The following AIM2 variants were observed in gnomAD, a reference collection of about 807,000 sequenced individuals.
The protein encoded by AIM2 is absent in melanoma 2.
AIM2 carries 30 observed loss-of-function variants against 27.7 expected under a neutral mutation model. The ratio of observed to expected loss-of-function variants is 1.08; its 90% CI spans 0.81 to 1.47. The LOEUF (loss-of-function observed/expected upper bound fraction) is 1.47. Ranked by LOEUF, AIM2 falls within the 40% of genes most tolerant of loss-of-function variation. The probability of loss-of-function intolerance (pLI) is 0.00; values close to 1 mark genes in which losing one functional copy is unlikely to be tolerated. For synonymous variants in AIM2, 141 were observed against 145.3 expected (o/e 0.97, Z 0.21); for missense variants, 358 against 411.3 (o/e 0.87, Z 1.12).
the AIM2 span, among the ~76,000 whole-genome samples, chr1:159,056,455 T>C: frequency 6.6e-6 from 1 of 152,004 alleles, no homozygotes; most frequent in Non-Finnish European, 1.5e-5. Flanking sequence ...CGATCTTAAC[T>C]GCTTCCTGCT....
intron 4 of AIM2, among the ~76,000 whole-genome samples, chr1:159,065,601 TTAAAA>T (rs1487861916): frequency 3.9e-5 from 6 of 152,172 alleles, no homozygotes; most frequent in Admixed American, 2.6e-4. Context: ...CTATAGTCAC[TTAAAA>T]TAAAGATAAT....
At chr1:159,116,153 G>C (rs1360122118) in intron 1 of AIM2, among the ~76,000 whole-genome samples, 1 of 151,242 alleles carries the variant, frequency 6.6e-6, no homozygotes, top group Non-Finnish European at 1.5e-5. Context: ...ACACCTGTTA[G>C]AATGGCAATC....
intron 1 of AIM2, among the ~76,000 whole-genome samples, chr1:159,094,135 T>A (rs929154189): frequency 6.6e-6 from 1 of 152,160 alleles, no homozygotes; most frequent in Non-Finnish European, 1.5e-5. Flanking sequence ...CAAAATTTAG[T>A]CGTAACTTCA....
At chr1:159,088,474 G>A (rs115709436) in intron 1 of AIM2, among the ~76,000 whole-genome samples, 33 of 152,220 alleles carry the variant, frequency 2.2e-4, no homozygotes, top group African/African-American at 7.9e-4. Context: ...GGAGGCAAAT[G>A]ATGTTCCTCC....
intron 1 of AIM2, among the ~76,000 whole-genome samples, chr1:159,098,777 C>G (rs1472080935): frequency 2.0e-5 from 3 of 152,120 alleles, no homozygotes; most frequent in African/African-American, 7.2e-5. Flanking sequence ...TCCATATGTA[C>G]CATGTGCTGG....
At chr1:159,081,537 C>A (rs1656775123), upstream of AIM2, 3 of 517,624 alleles carry the variant, frequency 5.8e-6, no homozygotes, top group South Asian at 2.9e-5. Context: ...CTGCAGAAGT[C>A]AAAATCCAGA....
chr1:159,079,126 A>C (rs151088730), upstream of AIM2, among the ~76,000 whole-genome samples: 49 of 152,314 alleles, frequency 3.2e-4, no homozygotes, highest in African/African-American at 1.1e-3. Flanking sequence ...AAGGAACTTA[A>C]GGACAAAGCA....
In AIM2 at chr1:159,119,302, A is replaced by T. The variant is rs76233071; in HGVS notation, c.-16+21129T>A. Among the ~76,000 whole-genome samples, 227 of 152,180 alleles carry T rather than the reference A, an allele frequency of 1.5e-3. 4 individuals carry two copies. Among genetic ancestry groups the T allele is most frequent in the East Asian group, 8.5e-3 (44 of 5,174 alleles). On this transcript the variant is annotated intron_variant, in intron 1 of 2. Coordinates refer to the AIM2 transcript ENST00000368129. ...AATACAAACAGGGTGCAGCTTAATT[A>T]TTTCCTTTTAATTACTAATTTTCAG...
chr1:159,135,560 C>T (rs1197572481), intron 1 of AIM2, among the ~76,000 whole-genome samples: 1 of 152,174 alleles, frequency 6.6e-6, no homozygotes, highest in Non-Finnish European at 1.5e-5. Flanking sequence ...TCTCCTCAGC[C>T]ATTAGAGACA....
At chr1:159,128,050 T>C (rs1647768869) in intron 1 of AIM2, among the ~76,000 whole-genome samples, 1 of 152,180 alleles carries the variant, frequency 6.6e-6, no homozygotes, top group African/African-American at 2.4e-5. Flanking sequence ...TTTCTTTTCT[T>C]TTTGTCAGTC....
At chr1:159,127,733 T>G (rs986311060) in intron 1 of AIM2, among the ~76,000 whole-genome samples, 1 of 152,176 alleles carries the variant, frequency 6.6e-6, no homozygotes, top group Non-Finnish European at 1.5e-5. Context: ...GGTCAGCAAG[T>G]GGGCCCTCAC....
At chr1:159,073,595 T>A in intron 1 of AIM2, 76 bp from the exon 2 acceptor site, 1 of 1,367,166 alleles carries the variant, frequency 7.3e-7, no homozygotes, top group Non-Finnish European at 9.9e-7. Flanking sequence ...AGGTGAGCTA[T>A]TAATATTTTT....
At chr1:159,146,030 T>C (rs863034) in intron 1 of AIM2, among the ~76,000 whole-genome samples, 119,354 of 151,556 alleles carry the variant, frequency 0.79, 48,053 homozygotes, top group South Asian at 0.94. Flanking sequence ...CACTTGAACC[T>C]GGGAAGTAGA....
intron 2 of AIM2, among the ~76,000 whole-genome samples, chr1:159,071,923 G>GTTTATTATTTATTATTGTTATT (rs1449385375): frequency 6.2e-4 from 94 of 152,252 alleles, no homozygotes; most frequent in African/African-American, 2.2e-3. Flanking sequence ...ATCTTTTTTA[G>GTTTATTATTTATTATTGTTATT]CTAAGCAGAA....
intron 1 of AIM2, among the ~76,000 whole-genome samples, chr1:159,112,125 C>A (rs1219719383): frequency 2.0e-5 from 3 of 152,034 alleles, no homozygotes; most frequent in African/African-American, 7.2e-5. Flanking sequence ...ATTAAACTTG[C>A]CGGTTAAAAC....
chr1:159,096,284 T>TAA (rs1657179107), intron 1 of AIM2, among the ~76,000 whole-genome samples: 1 of 152,246 alleles, frequency 6.6e-6, no homozygotes, highest in Non-Finnish European at 1.5e-5. Flanking sequence ...CTAGTTGGCC[T>TAA]TGGGAGGGTT....
At chr1:159,125,355 A>G (rs1288033420) in intron 1 of AIM2, among the ~76,000 whole-genome samples, 1 of 152,228 alleles carries the variant, frequency 6.6e-6, no homozygotes, top group African/African-American at 2.4e-5. Flanking sequence ...GTGAGCTTAG[A>G]TTTAGGAGAC....
At chr1:159,130,077 G>A (rs1270196427) in intron 1 of AIM2, among the ~76,000 whole-genome samples, 1 of 152,152 alleles carries the variant, frequency 6.6e-6, no homozygotes, top group Non-Finnish European at 1.5e-5. Flanking sequence ...AGCAACATTT[G>A]ACACTATGGC....
intron 1 of AIM2, among the ~76,000 whole-genome samples, chr1:159,103,769 G>A (rs1351929989): frequency 3.9e-5 from 6 of 152,108 alleles, no homozygotes; most frequent in African/African-American, 1.4e-4. Context: ...TAGCCTTCCC[G>A]AATAACAAAT....
Sources: gnomAD v4.1 joint callset for allele counts (sites outside exome capture counted in the v4.1 genomes callset) on GRCh38, gnomAD v4.1.1 for gene constraint, MANE v1.5 for transcripts, NCBI Gene and HGNC (gene_info 2026-07-23, HGNC 2026-07-21) for gene names.